Variants in TMEM184B observed in about 807,000 individuals in gnomAD.
The protein encoded by TMEM184B is transmembrane protein 184B, also known as putative MAPK-activating protein FM08.
TMEM184B carries 17 observed loss-of-function variants against 41.8 expected under a neutral mutation model. The observed-to-expected ratio is 0.41, with a 90% CI of 0.28 to 0.61. The LOEUF is 0.61. TMEM184B is among the 20% of genes least tolerant of loss of function. The probability of loss-of-function intolerance (pLI) is 0.34; values close to 1 mark genes in which losing one functional copy is unlikely to be tolerated. For missense variants in TMEM184B, 393 were observed against 557.8 expected, an observed-to-expected ratio of 0.70 and a Z score of 2.98; for synonymous variants, 240 against 229.5, an observed-to-expected ratio of 1.05 and a Z score of -0.41.
chr22:38,257,058 G>A lies in TMEM184B; in HGVS notation c.-58-9039C>T, dbSNP rs148153511. On this transcript the variant is annotated intron_variant, in intron 1 of 8. Coordinates refer to ENST00000361906, the MANE Select transcript of TMEM184B (RefSeq NM_012264.5). Reference sequence around the variant, plus strand: ...GTGCAATGGCGCGATCTCGACTCACGGCAACCTCCACCTCCAGAATTCAAG... The same window carrying A: ...GTGCAATGGCGCGATCTCGACTCACAGCAACCTCCACCTCCAGAATTCAAG... Among the ~76,000 whole-genome samples the A allele has an allele frequency of 4.3e-3, 618 of 145,090 alleles. 5 individuals are homozygous for A. Among genetic ancestry groups the A allele is most frequent in the African/African-American group, 0.015 (572 of 38,514 alleles).
At chr22:38,227,103 A>C (rs1439861578) in intron 5 of TMEM184B, among the ~76,000 whole-genome samples, 2 of 149,304 alleles carry the variant, frequency 1.3e-5, no homozygotes, top group Non-Finnish European at 3.0e-5. Flanking sequence ...CTCCCAGGGG[A>C]CTGCTGTCTG....
In TMEM184B at chr22:38,224,940, G is replaced by T; in HGVS notation, c.827C>A (p.Pro276His). ...LAILEKCGAI[P>H]KIHSARVSVG... ...CGACACGCGGGCCGAGTGGATTTTGGGGATGGCCCCACACTTCTCCAGGAT... is the reference window on the plus strand; with the variant it reads ...CGACACGCGGGCCGAGTGGATTTTGTGGATGGCCCCACACTTCTCCAGGAT... The change falls in exon 8 of 9, where the codon CCC becomes CAC. Residue 276 changes from proline (P) to histidine (H), a missense_variant. Around this residue, in one of 2 missense-constraint regions of TMEM184B, gnomAD observed 271 missense variants for 434.1 expected, o/e 0.62. Coordinates refer to ENST00000361906, the MANE Select transcript of TMEM184B (RefSeq NM_012264.5). 1 of 1,601,232 alleles carries T rather than the reference G, an allele frequency of 6.2e-7. No individual in the cohort carries two copies.
At chr22:38,247,010 G>A (rs2092047724) in intron 2 of TMEM184B, 1 of 462,234 alleles carries the variant, frequency 2.2e-6, no homozygotes, top group Admixed American at 3.7e-5. Context: ...AACACGAGCA[G>A]ACTCACCCTG....
At position 38,226,998 on chromosome 22, in the gene TMEM184B, A is replaced by C. The variant is rs999994594; in HGVS notation, c.526-128T>G. On this transcript the variant is annotated intron_variant, in intron 5 of 8. Transcript: ENST00000361906. The surrounding 1 kb of genome is among the most constrained non-coding windows in gnomAD (Gnocchi z 4.6). ...AGGATGAAGGAGACGGAGAGGACGG[A>C]GGGATGGAGGGACGGAGGGGATGGA... 1.2e-6 allele frequency: 1 copy of C among 838,112 alleles called. No homozygotes were observed. Among genetic ancestry groups the C allele is most frequent in the Non-Finnish European group, 1.8e-6 (1 of 543,868 alleles). 51.9% of individuals were successfully genotyped at this position (838,112 alleles called of 1,614,324 possible). A position where few individuals can be genotyped will look rare whatever the true frequency, so the allele number is the denominator to read the frequency against.
intron 3 of TMEM184B, among the ~76,000 whole-genome samples, chr22:38,240,732 C>T (rs1016917789): frequency 1.5e-5 from 1 of 66,562 alleles, no homozygotes; most frequent in Non-Finnish European, 2.9e-5. Context: ...GAAAAAAAGG[C>T]AAAAAAAAAA....
chr22:38,222,935 G>A (rs117773796), intron 8 of TMEM184B: 1,599 of 153,054 alleles, frequency 0.01, 10 homozygotes, highest in Non-Finnish European at 0.018. Flanking sequence ...TCCGTCTGGC[G>A]ACTGAGTTCC....
At chr22:38,227,484 T>A (rs1348141666) in intron 5 of TMEM184B, among the ~76,000 whole-genome samples, 1 of 152,006 alleles carries the variant, frequency 6.6e-6, no homozygotes, top group Admixed American at 6.5e-5. Context: ...CCGGCGCAGG[T>A]GAGGGCCTCC....
chr22:38,263,478 C>T (rs2092400388), intron 1 of TMEM184B, among the ~76,000 whole-genome samples: 1 of 152,176 alleles, frequency 6.6e-6, no homozygotes, highest in South Asian at 2.1e-4. Flanking sequence ...CGGCACAGTG[C>T]GTTGAGCGTC....
intron 2 of TMEM184B, chr22:38,246,733 G>A: frequency 8.9e-7 from 1 of 1,124,564 alleles, no homozygotes. Context: ...AGGAAGTTAG[G>A]AGAATGAATG....
At position 38,225,539 on chromosome 22, in the gene TMEM184B, C is replaced by G; in HGVS notation, c.672G>C (p.Leu224=). 1.2e-6 allele frequency: 2 copies of G among 1,606,010 alleles called. No individual in the cohort carries two copies. The highest frequency in any genetic ancestry group is 1.7e-6 in the Non-Finnish European group (2 of 1,176,842). Residue 224 remains leucine (L), a synonymous_variant, in exon 7 of 9, where the codon CTG becomes CTC. Coordinates refer to ENST00000361906, the MANE Select transcript of TMEM184B (RefSeq NM_012264.5). This position sits in a 1 kb window ranked among gnomAD's most constrained non-coding sequence, Gnocchi z 4.4. ...VTIIYNISVS[L]ALYALFLFYF... ...AGAAGAGGAAGAGGGCGTAGAGGGCCAGGCTGACGGAGATGTTGTAGATGA... is the reference window on the plus strand; with the variant it reads ...AGAAGAGGAAGAGGGCGTAGAGGGCGAGGCTGACGGAGATGTTGTAGATGA...
rs544347270 is a variant in TMEM184B at position 38,228,348 on chromosome 22, G to A, written c.526-1478C>T. Among the ~76,000 whole-genome samples the A allele has an allele frequency of 1.3e-3, 205 of 152,322 alleles. 1 individual carries two copies. Among genetic ancestry groups the A allele is most frequent in the East Asian group, 7.1e-3 (37 of 5,190 alleles). ...CTGGTACTCATGACAGCCCCCTGACGTGGGTGCTGTCATTATCCCCATGGT... is the reference window on the plus strand; with the variant it reads ...CTGGTACTCATGACAGCCCCCTGACATGGGTGCTGTCATTATCCCCATGGT... On this transcript the variant is annotated intron_variant, in intron 5 of 8. Transcript: ENST00000361906.
chr22:38,272,645 G>A (rs2092542733), intron 1 of TMEM184B: 6 of 985,514 alleles, frequency 6.1e-6, no homozygotes, highest in Non-Finnish European at 7.2e-6. Context: ...CGTTGGCGTG[G>A]AAAGGGAGCG....
At chr22:38,261,999 G>A (rs1013771899) in intron 1 of TMEM184B, among the ~76,000 whole-genome samples, 10 of 152,240 alleles carry the variant, frequency 6.6e-5, no homozygotes, top group Non-Finnish European at 1.0e-4. Flanking sequence ...TGAATTCACC[G>A]AAGAGGCTGG....
chr22:38,241,709 C>A (rs1018915228), intron 3 of TMEM184B, among the ~76,000 whole-genome samples: 7 of 151,256 alleles, frequency 4.6e-5, no homozygotes, highest in Non-Finnish European at 1.0e-4. Context: ...ACCATGAAAC[C>A]CTATCTCTAC....
chr22:38,250,528 T>C (rs1279707826), intron 1 of TMEM184B, among the ~76,000 whole-genome samples: 1 of 152,240 alleles, frequency 6.6e-6, no homozygotes, highest in Non-Finnish European at 1.5e-5. Flanking sequence ...GTAAGTATGG[T>C]TGCAAAACTG....
intron 1 of TMEM184B, among the ~76,000 whole-genome samples, chr22:38,257,221 T>C: frequency 6.6e-6 from 1 of 151,988 alleles, no homozygotes; most frequent in Non-Finnish European, 1.5e-5. Context: ...CAGAATTTTC[T>C]AGTCCATTAA....
At chr22:38,238,080 G>A (rs1244833316) in intron 3 of TMEM184B, among the ~76,000 whole-genome samples, 1 of 151,934 alleles carries the variant, frequency 6.6e-6, no homozygotes, top group Non-Finnish European at 1.5e-5. Context: ...GATTACAGGT[G>A]TGAGCCACTG....
At chr22:38,246,548 C>A in intron 2 of TMEM184B, 1 of 279,268 alleles carries the variant, frequency 3.6e-6, no homozygotes. Context: ...TGGGTTGCAG[C>A]CTTGCCCCGT....
chr22:38,224,719 G>A (rs2091375869), intron 8 of TMEM184B, 66 bp downstream of exon 8: 16 of 1,456,946 alleles, frequency 1.1e-5, no homozygotes, highest in East Asian at 2.5e-5. Context: ...GGAGGTGGGA[G>A]GGTCCTGGGA....
Sources: gnomAD v4.1 joint callset for allele counts (sites outside exome capture counted in the v4.1 genomes callset) on GRCh38, gnomAD v4.1.1 for gene constraint, gnomAD v4.1.1 regional missense constraint, Gnocchi (gnomAD v3.1) non-coding constraint, MANE v1.5 for transcripts, NCBI Gene and HGNC (gene_info 2026-07-23, HGNC 2026-07-21) for gene names.